THSD7A: variants seen among roughly 807,000 people sequenced by gnomAD.
THSD7A encodes the protein thrombospondin type-1 domain-containing protein 7A.
A neutral mutation model predicts 231.3 loss-of-function variants in THSD7A; 96 were observed. The observed-to-expected ratio is 0.41, with a 90% CI of 0.35 to 0.49. The LOEUF (loss-of-function observed/expected upper bound fraction) is 0.49. Among genes scored for constraint, THSD7A ranks in the 20% least tolerant of loss-of-function variants. The probability of loss-of-function intolerance (pLI) is 0.05; values close to 1 mark genes in which losing one functional copy is unlikely to be tolerated. For missense variants in THSD7A, 2,290 were observed against 2,070.2 expected (o/e 1.11, Z -2.06); for synonymous variants, 940 against 743.3 (o/e 1.26, Z -4.30).
At chr7:11,469,274 C>G (rs930560085) in intron 9 of THSD7A, among the ~76,000 whole-genome samples, 1 of 151,974 alleles carries the variant, frequency 6.6e-6, no homozygotes, top group African/African-American at 2.4e-5. Flanking sequence ...GAGAAAAGAC[C>G]CTGACCTAGA....
intron 1 of THSD7A, among the ~76,000 whole-genome samples, chr7:11,704,814 T>C (rs1000362383): frequency 6.6e-6 from 1 of 150,966 alleles, no homozygotes; most frequent in Non-Finnish European, 1.5e-5. Flanking sequence ...TTCTGAGACA[T>C]TTTAGGGCAT....
At chr7:11,616,329 T>TG (rs1179576281) in intron 2 of THSD7A, among the ~76,000 whole-genome samples, 1 of 152,142 alleles carries the variant, frequency 6.6e-6, no homozygotes, top group Non-Finnish European at 1.5e-5. Flanking sequence ...ATTCAGACTG[T>TG]GGTGCTGACT....
At chr7:11,698,680 T>A (rs1014822321) in intron 1 of THSD7A, among the ~76,000 whole-genome samples, 1 of 151,352 alleles carries the variant, frequency 6.6e-6, no homozygotes, top group African/African-American at 2.4e-5. Flanking sequence ...CACAGAGCTG[T>A]TCTGGGCTGA....
chr7:11,493,466 C>G (rs1786980229), intron 6 of THSD7A, among the ~76,000 whole-genome samples: 1 of 152,036 alleles, frequency 6.6e-6, no homozygotes, highest in Non-Finnish European at 1.5e-5. Context: ...ATTGGATGGA[C>G]AGGGGAAGAT....
At chr7:11,405,120 ACTAT>A (rs996616051) in intron 22 of THSD7A, among the ~76,000 whole-genome samples, 1 of 150,120 alleles carries the variant, frequency 6.7e-6, no homozygotes, top group Non-Finnish European at 1.5e-5. Context: ...TTCATCTTAA[ACTAT>A]ACCCTACCAT....
intron 4 of THSD7A, among the ~76,000 whole-genome samples, chr7:11,587,490 T>C (rs1342987156): frequency 1.3e-5 from 2 of 152,160 alleles, no homozygotes; most frequent in Non-Finnish European, 2.9e-5. Context: ...CACTCTCCAA[T>C]ATTGATGAGA....
chr7:11,795,670 A>G (rs763772145), intron 1 of THSD7A, among the ~76,000 whole-genome samples: 5 of 151,998 alleles, frequency 3.3e-5, no homozygotes, highest in Non-Finnish European at 5.9e-5. Flanking sequence ...AAATAAATAT[A>G]CATATGTCAG....
At chr7:11,482,131 G>A (rs1261344150) in intron 6 of THSD7A, 149 bp from the exon 7 acceptor site, 15 of 766,078 alleles carry the variant, frequency 2.0e-5, no homozygotes, top group Admixed American at 2.9e-5. Context: ...GCCTACTATA[G>A]CCAGATGTTA....
At chr7:11,775,841 G>T (rs1203494947) in intron 1 of THSD7A, among the ~76,000 whole-genome samples, 1 of 152,072 alleles carries the variant, frequency 6.6e-6, no homozygotes, top group African/African-American at 2.4e-5. Context: ...TTAGTGTTAT[G>T]AATATTTTAC....
At chr7:11,660,543 T>C (rs991314471) in intron 1 of THSD7A, among the ~76,000 whole-genome samples, 1 of 151,206 alleles carries the variant, frequency 6.6e-6, no homozygotes, top group African/African-American at 2.4e-5. Context: ...CATAATAAAA[T>C]ATACAGAAAC....
At chr7:11,765,921 T>C (rs752312836) in intron 1 of THSD7A, among the ~76,000 whole-genome samples, 26 of 152,166 alleles carry the variant, frequency 1.7e-4, no homozygotes, top group Non-Finnish European at 3.5e-4. Context: ...TCAAAGAATA[T>C]ACAAAAATTA....
chr7:11,727,421 T>A (rs1019901535), intron 1 of THSD7A, among the ~76,000 whole-genome samples: 2 of 151,990 alleles, frequency 1.3e-5, no homozygotes, highest in African/African-American at 4.8e-5. Context: ...ACACTCATAA[T>A]AGGAGAAGGA....
At chr7:11,423,210 T>G (rs1784207862) in intron 16 of THSD7A, among the ~76,000 whole-genome samples, 1 of 152,098 alleles carries the variant, frequency 6.6e-6, no homozygotes, top group Admixed American at 6.5e-5. Flanking sequence ...AGACATAAAA[T>G]TATATATAGG....
At chr7:11,468,671 T>A (rs1290299028) in intron 9 of THSD7A, among the ~76,000 whole-genome samples, 3 of 151,956 alleles carry the variant, frequency 2.0e-5, no homozygotes, top group African/African-American at 7.2e-5. Context: ...CCATCTCTAC[T>A]AAAAATACAA....
At chr7:11,726,722 C>T (rs1781560683) in intron 1 of THSD7A, among the ~76,000 whole-genome samples, 1 of 152,012 alleles carries the variant, frequency 6.6e-6, no homozygotes, top group Admixed American at 6.6e-5. Flanking sequence ...CTGCAAATAC[C>T]ATGTGAATCC....
At chr7:11,809,295 A>G (rs1023505024) in intron 1 of THSD7A, among the ~76,000 whole-genome samples, 9 of 152,210 alleles carry the variant, frequency 5.9e-5, no homozygotes, top group Non-Finnish European at 1.0e-4. Context: ...AAGTGCTGAC[A>G]TAAGTCAGGG....
At chr7:11,701,353 A>G (rs1660740680) in intron 1 of THSD7A, among the ~76,000 whole-genome samples, 1 of 151,266 alleles carries the variant, frequency 6.6e-6, no homozygotes, top group African/African-American at 2.4e-5. Context: ...TGTGAAAACC[A>G]TTTGAAGACT....
chr7:11,773,675 T>A (rs1384689498), intron 1 of THSD7A, among the ~76,000 whole-genome samples: 1 of 152,164 alleles, frequency 6.6e-6, no homozygotes, highest in Non-Finnish European at 1.5e-5. Flanking sequence ...TTAATTATTA[T>A]GGATTCATAA....
At chr7:11,660,841 C>A (rs1032538203) in intron 1 of THSD7A, among the ~76,000 whole-genome samples, 22 of 151,366 alleles carry the variant, frequency 1.5e-4, no homozygotes, top group African/African-American at 5.3e-4. Flanking sequence ...TGAGACCAAA[C>A]GTCCCAAGGA....
Sources: gnomAD v4.1 joint callset for allele counts (sites outside exome capture counted in the v4.1 genomes callset) on GRCh38, gnomAD v4.1.1 for gene constraint, MANE v1.5 for transcripts, NCBI Gene and HGNC (gene_info 2026-07-23, HGNC 2026-07-21) for gene names.